TENM2: variants seen among roughly 807,000 people sequenced by gnomAD.
TENM2 encodes teneurin transmembrane protein 2.
In TENM2, 52 loss-of-function variants were observed where a neutral mutation model predicts 245.2. That is an observed-to-expected ratio of 0.21 (90% CI 0.17 to 0.27). TENM2 has a LOEUF of 0.27. Among genes scored for constraint, TENM2 ranks in the 10% least tolerant of loss-of-function variants. TENM2 has a pLI of 1.00. For missense variants in TENM2, 3,046 were observed against 3,666.8 expected (o/e 0.83, Z 4.37); for synonymous variants, 1,363 against 1,438.9 (o/e 0.95, Z 1.19).
intron 2 of TENM2, among the ~76,000 whole-genome samples, chr5:167,454,391 A>G (rs1369503593): frequency 6.6e-6 from 1 of 152,148 alleles, no homozygotes; most frequent in Non-Finnish European, 1.5e-5. Flanking sequence ...CAAGGGGTCA[A>G]TATGGATGGC....
chr5:167,415,894 A>G (rs1763144248), intron 2 of TENM2, among the ~76,000 whole-genome samples: 1 of 152,126 alleles, frequency 6.6e-6, no homozygotes. Context: ...TGATTAAATT[A>G]GCTGGCTGGA....
At chr5:168,088,922 G>C (rs768340073) in intron 7 of TENM2, among the ~76,000 whole-genome samples, 29 of 152,290 alleles carry the variant, frequency 1.9e-4, no homozygotes, top group Non-Finnish European at 4.3e-4. Context: ...TATAGTTGAT[G>C]TCTGTAACCC....
intron 7 of TENM2, among the ~76,000 whole-genome samples, chr5:168,068,069 G>A (rs1790661356): frequency 6.6e-6 from 1 of 152,114 alleles, no homozygotes; most frequent in African/African-American, 2.4e-5. Context: ...GACCCCTTCT[G>A]GTTAGCTGGT....
At chr5:167,989,244 A>T (rs572740348) in intron 4 of TENM2, among the ~76,000 whole-genome samples, 108 of 110,910 alleles carry the variant, frequency 9.7e-4, no homozygotes, top group Admixed American at 5.1e-3. Context: ...AATAGAATGT[A>T]GATAGATAGA....
intron 28 of TENM2, among the ~76,000 whole-genome samples, chr5:168,261,733 C>T (rs956867941): frequency 2.0e-5 from 3 of 152,180 alleles, no homozygotes; most frequent in Admixed American, 6.5e-5. Context: ...TGGCATGACC[C>T]GGTAAGTGTG....
the TENM2 span, among the ~76,000 whole-genome samples, chr5:167,180,808 T>A: frequency 6.6e-6 from 1 of 152,012 alleles, no homozygotes; most frequent in Non-Finnish European, 1.5e-5. Flanking sequence ...AAGTTCTTCA[T>A]CCTGGTCATC....
At chr5:167,894,268 C>G (rs1041799261) in intron 3 of TENM2, among the ~76,000 whole-genome samples, 7 of 152,264 alleles carry the variant, frequency 4.6e-5, no homozygotes, top group Non-Finnish European at 8.8e-5. Flanking sequence ...CTGGGTATTA[C>G]CAGTGAAGAT....
At chr5:167,646,177 C>CATATATAT (rs57273762) in intron 2 of TENM2, among the ~76,000 whole-genome samples, 13 of 84,158 alleles carry the variant, frequency 1.5e-4, no homozygotes, top group South Asian at 4.9e-4. Flanking sequence ...ATGTTGTTTT[C>CATATATAT]ATATATATAT....
the TENM2 span, among the ~76,000 whole-genome samples, chr5:167,014,690 C>A: frequency 6.6e-6 from 1 of 152,132 alleles, no homozygotes; most frequent in Admixed American, 6.6e-5. Context: ...CCTGACCAAG[C>A]AATAAAGGGA....
At chr5:167,613,923 A>G (rs1777626280) in intron 2 of TENM2, among the ~76,000 whole-genome samples, 1 of 152,130 alleles carries the variant, frequency 6.6e-6, no homozygotes, top group South Asian at 2.1e-4. Context: ...AAAATTATTC[A>G]TGTTTATTGC....
At chr5:168,085,588 C>G (rs1427739618) in intron 7 of TENM2, 2 of 152,350 alleles carry the variant, frequency 1.3e-5, no homozygotes. Flanking sequence ...AGCCAGCCCC[C>G]ACTGGAGCTG....
At chr5:167,324,249 AT>A (rs1450253744) in intron 1 of TENM2, among the ~76,000 whole-genome samples, 1 of 152,188 alleles carries the variant, frequency 6.6e-6, no homozygotes, top group Non-Finnish European at 1.5e-5. Flanking sequence ...TACACAAGTC[AT>A]TTTTGAGAGA....
At chr5:167,185,613 A>G in the TENM2 span, among the ~76,000 whole-genome samples, 1 of 152,168 alleles carries the variant, frequency 6.6e-6, no homozygotes, top group South Asian at 2.1e-4. Flanking sequence ...CTTCCATGAG[A>G]TTCTTATCTA....
At chr5:168,209,074 A>G (rs1762593464) in intron 19 of TENM2, among the ~76,000 whole-genome samples, 2 of 152,200 alleles carry the variant, frequency 1.3e-5, no homozygotes, top group African/African-American at 4.8e-5. Context: ...TTCATTATCT[A>G]TAGAAAGAAC....
intron 1 of TENM2, among the ~76,000 whole-genome samples, chr5:167,328,470 C>T (rs1055142035): frequency 1.2e-4 from 18 of 152,118 alleles, no homozygotes; most frequent in Admixed American, 9.8e-4. Flanking sequence ...GGATTACAGG[C>T]GTGAGCCACC....
At chr5:167,048,855 TAA>T in the TENM2 span, among the ~76,000 whole-genome samples, 2 of 152,208 alleles carry the variant, frequency 1.3e-5, no homozygotes, top group Non-Finnish European at 2.9e-5. Flanking sequence ...TTAATAATTA[TAA>T]GATAGCTATT....
chr5:167,688,486 C>T (rs950543808), intron 2 of TENM2, among the ~76,000 whole-genome samples: 1 of 152,124 alleles, frequency 6.6e-6, no homozygotes. Flanking sequence ...CACTAGTGTT[C>T]CAACTAACTC....
chr5:167,314,762 A>T (rs1025862594), intron 1 of TENM2, among the ~76,000 whole-genome samples: 4 of 152,064 alleles, frequency 2.6e-5, no homozygotes, highest in Admixed American at 2.6e-4. Flanking sequence ...TATTATAAAG[A>T]TATGCTACAT....
intron 1 of TENM2, among the ~76,000 whole-genome samples, chr5:167,365,259 A>G (rs1759972292): frequency 6.6e-6 from 1 of 152,030 alleles, no homozygotes; most frequent in African/African-American, 2.4e-5. Context: ...TGCACAATAC[A>G]TTCAAATTTT....
Sources: gnomAD v4.1 joint callset for allele counts (sites outside exome capture counted in the v4.1 genomes callset) on GRCh38, gnomAD v4.1.1 for gene constraint, MANE v1.5 for transcripts, NCBI Gene and HGNC (gene_info 2026-07-23, HGNC 2026-07-21) for gene names.